The following ABCG4 variants were observed in gnomAD, a reference collection of about 807,000 sequenced individuals.
ABCG4 encodes the protein ATP binding cassette subfamily G member 4.
ABCG4 carries 35 observed loss-of-function variants against 64.6 expected under a neutral mutation model. That is an observed-to-expected ratio of 0.54 (90% confidence interval 0.41 to 0.72). The LOEUF (loss-of-function observed/expected upper bound fraction) is 0.72, where lower values mean the gene tolerates loss of function less well. Among genes scored for constraint, ABCG4 ranks in the 30% least tolerant of loss-of-function variants. ABCG4 has a pLI of 0.00. For missense variants in ABCG4, 610 were observed against 846.3 expected (o/e 0.72, Z 3.46); for synonymous variants, 326 against 348.2 (o/e 0.94, Z 0.71).
intron 12 of ABCG4, among the ~76,000 whole-genome samples, chr11:119,159,510 C>A (rs952394499): frequency 6.6e-6 from 1 of 152,176 alleles, no homozygotes; most frequent in African/African-American, 2.4e-5. Flanking sequence ...TAAAGTGTAC[C>A]CATCTATAAA....
rs1314171877 is a variant in ABCG4, at chr11:119,158,602, C to G, written c.1213C>G (p.Leu405Val). 6.2e-7 allele frequency: 1 copy of G among 1,614,212 alleles called. No individual in the cohort carries two copies. Among genetic ancestry groups the G allele is most frequent in the South Asian group, 1.1e-5 (1 of 91,088 alleles). Residue 405 changes from leucine (L) to valine (V), a missense_variant, in exon 11 of 15, where the codon CTC becomes GTC. Leu to Val is a conservative substitution (Grantham distance 32, BLOSUM62 1). Coordinates refer to ENST00000619701, the MANE Select transcript of ABCG4 (RefSeq NM_022169.5). The surrounding 1 kb of genome is among the most constrained non-coding windows in gnomAD (Gnocchi z 4.5). ...RFMSHVVIGV[L>V]IGLLYLHIGD... is the part of the protein sequence containing the mutation. ...CATGTCCCACGTGGTTATTGGCGTG[C>G]TCATCGGCCTCCTCTACCTGCATAT...
Position 119,154,929 on chromosome 11 carries a change from C to T in ABCG4, c.686+14C>T. The stretch of plus-strand genomic sequence containing the variant: ...TGAGCCCACCAGGTAGTTCTCTCCA[C>T]CCTTTCCCACCAGGATACCCCTCTC... On this transcript the variant is annotated intron_variant, in intron 6 of 14. Coordinates refer to ENST00000619701, the MANE Select transcript of ABCG4 (RefSeq NM_022169.5). The surrounding 1 kb of genome is among the most constrained non-coding windows in gnomAD (Gnocchi z 7.0). 1 of 1,597,014 alleles carries T rather than the reference C, an allele frequency of 6.3e-7. No homozygotes were observed.
chr11:119,158,401 G>A lies in ABCG4; in HGVS notation c.1167+69G>A. On this transcript the variant is annotated intron_variant, in intron 10 of 14. Transcript: ENST00000619701. This position sits in a 1 kb window ranked among gnomAD's most constrained non-coding sequence, Gnocchi z 4.5. ...CCTTTTGGGCTGTAGGATCCCAGCA[G>A]CTGAAATGGGAATGGGGACCCTCCC... The A allele has an allele frequency of 6.3e-7, 1 of 1,578,806 alleles. No individual in the cohort carries two copies. The highest frequency in any genetic ancestry group is 8.7e-7 in the Non-Finnish European group (1 of 1,149,226).
chr11:119,158,626 A>G lies in ABCG4; in HGVS notation c.1237A>G (p.Ile413Val), dbSNP rs1201520852. 6.2e-7 allele frequency: 1 copy of G among 1,614,082 alleles called. No individual in the cohort carries two copies. The highest frequency in any genetic ancestry group is 8.5e-7 in the Non-Finnish European group (1 of 1,179,998). ...GVLIGLLYLH[I>V]GDDASKVFNN... Reference sequence around the variant, plus strand: ...GCTCATCGGCCTCCTCTACCTGCATATTGGCGACGATGCCAGCAAGGTCTT... The same window carrying G: ...GCTCATCGGCCTCCTCTACCTGCATGTTGGCGACGATGCCAGCAAGGTCTT... The change falls in exon 11 of 15, where the codon ATT (isoleucine) becomes GTT (valine). Residue 413 changes from isoleucine (I) to valine (V), a missense_variant. By Grantham distance (29) the Ile-to-Val change is conservative (BLOSUM62 3). Coordinates refer to ENST00000619701, the MANE Select transcript of ABCG4 (RefSeq NM_022169.5). The surrounding 1 kb of genome is among the most constrained non-coding windows in gnomAD (Gnocchi z 4.5).
intron 12 of ABCG4, among the ~76,000 whole-genome samples, chr11:119,159,138 A>G (rs1445961330): frequency 6.6e-6 from 1 of 152,234 alleles, no homozygotes; most frequent in Non-Finnish European, 1.5e-5. Context: ...AGTCTTGACC[A>G]TGTGGAACTT....
Position 119,160,103 on chromosome 11 carries a change from T to G in ABCG4, c.1438-124T>G. On this transcript the variant is annotated intron_variant, in intron 12 of 14. Coordinates refer to ENST00000619701, the MANE Select transcript of ABCG4 (RefSeq NM_022169.5). This position sits in a 1 kb window ranked among gnomAD's most constrained non-coding sequence, Gnocchi z 4.6. ...ATCTGGGGGACAGCTTGAACAAGAA[T>G]GTGGAGGCAGGATGGACACCCTGGG... 2 of 1,036,586 alleles carry G rather than the reference T, an allele frequency of 1.9e-6. No homozygotes were observed. The highest frequency in any genetic ancestry group is 1.6e-5 in the South Asian group (1 of 61,236). The allele number at this position is 1,036,586 out of a possible 1,614,324, so 64.2% of individuals were successfully genotyped here.
At position 119,158,681 on chromosome 11, in the gene ABCG4, T is replaced by C. The variant is rs1055587280; in HGVS notation, c.1292T>C (p.Met431Thr). 2 of 1,614,168 alleles carry C rather than the reference T, an allele frequency of 1.2e-6. No individual in the cohort carries two copies. The highest frequency in any genetic ancestry group is 1.7e-6 in the Non-Finnish European group (2 of 1,180,032). Residue 431 changes from methionine to threonine, a missense_variant, in exon 11 of 15, where the codon ATG becomes ACG. Met to Thr is a moderately conservative substitution (Grantham distance 81, BLOSUM62 -1). Coordinates refer to ENST00000619701, the MANE Select transcript of ABCG4 (RefSeq NM_022169.5). The surrounding 1 kb of genome is among the most constrained non-coding windows in gnomAD (Gnocchi z 4.5). ...AACACCGGCTGCCTCTTCTTCTCCA[T>C]GCTGTTCCTCATGTTCGCCGCCCTC... ...FNNTGCLFFS[M>T]LFLMFAALMP...
chr11:119,162,068 G>A lies in ABCG4; in HGVS notation c.*962G>A, dbSNP rs1039139247. 1 of 153,522 alleles carries A rather than the reference G, an allele frequency of 6.5e-6. No homozygotes were observed. Among genetic ancestry groups the A allele is most frequent in the Non-Finnish European group, 1.5e-5 (1 of 68,780 alleles). 9.5% of individuals were successfully genotyped at this position (153,522 alleles called of 1,614,324 possible). A position where few individuals can be genotyped will look rare whatever the true frequency, so the allele number is the denominator to read the frequency against. ...GGCATGCTGGTGGTGGCGGGTGCTGGTGGGAGGACAGTGCCAACCTCCTCC... is the reference window on the plus strand; with the variant it reads ...GGCATGCTGGTGGTGGCGGGTGCTGATGGGAGGACAGTGCCAACCTCCTCC... On this transcript the variant is annotated 3_prime_UTR_variant, in exon 15 of 15. Coordinates refer to ENST00000619701, the MANE Select transcript of ABCG4 (RefSeq NM_022169.5).
rs148694251 is a variant in ABCG4, at chr11:119,154,501, T to C, written c.490-24T>C. The C allele has an allele frequency of 5.4e-4, 870 of 1,614,094 alleles. 6 individuals are homozygous for C. In the East Asian group the frequency reaches 8.9e-3, roughly 17 times the overall value. ...CAGAGCTCCCTCCCACACATACTTT[T>C]CTTGCTTACTCTCTGGGCCCCAGGT... On this transcript the variant is annotated intron_variant, in intron 4 of 14. Coordinates refer to ENST00000619701, the MANE Select transcript of ABCG4 (RefSeq NM_022169.5). The surrounding 1 kb of genome is among the most constrained non-coding windows in gnomAD (Gnocchi z 7.0).
intron 2 of ABCG4, among the ~76,000 whole-genome samples, chr11:119,152,564 C>A (rs1405055799): frequency 6.6e-6 from 1 of 152,158 alleles, no homozygotes; most frequent in African/African-American, 2.4e-5. Context: ...GGGATTGGCA[C>A]GTCCTCACCT....
rs145213898 is a variant in ABCG4 at position 119,154,886 on chromosome 11, G to A, written c.657G>A (p.Pro219=). 49 of 1,613,278 alleles carry A rather than the reference G, an allele frequency of 3.0e-5. No homozygotes were observed. Among genetic ancestry groups the A allele is most frequent in the African/African-American group, 6.7e-5 (5 of 74,916 alleles). ...LAIALELVNN[P]PVMFFDEPTS... ...TCGCCCTGGAGCTGGTCAACAACCC[G>A]CCTGTCATGTTCTTTGATGAGCCCA... The change falls in exon 6 of 15, where the codon CCG becomes CCA. Residue 219 remains proline (P), a synonymous_variant. Coordinates refer to ENST00000619701, the MANE Select transcript of ABCG4 (RefSeq NM_022169.5). The surrounding 1 kb of genome is among the most constrained non-coding windows in gnomAD (Gnocchi z 7.0).
chr11:119,159,718 G>C (rs1269024657), intron 12 of ABCG4, among the ~76,000 whole-genome samples: 2 of 152,096 alleles, frequency 1.3e-5, no homozygotes, highest in Non-Finnish European at 2.9e-5. Context: ...TTAGAAAAAG[G>C]TGCCCCTTCC....
At chr11:119,157,141 G>C (rs780272818) in intron 9 of ABCG4, 127 bp downstream of exon 9, 2 of 1,335,622 alleles carry the variant, frequency 1.5e-6, no homozygotes, top group Admixed American at 5.6e-5. Context: ...GAAGAACCTA[G>C]GACTTGGAAT....
In ABCG4 at chr11:119,160,731, GCCAAGTCTGCTGC is replaced by G; in HGVS notation, c.1715+77_1715+89del. The stretch of plus-strand genomic sequence containing the variant: ...CCATACCCAGGGCTTCCTGGGTTGT[GCCAAGTCTGCTGC>G]CTGCCCCATTATCCTTTGGGCAGGG... On this transcript the variant is annotated intron_variant, in intron 14 of 14. Transcript: ENST00000619701. The surrounding 1 kb of genome is among the most constrained non-coding windows in gnomAD (Gnocchi z 4.6). 7 of 1,517,874 alleles carry G rather than the reference GCCAAGTCTGCTGC, an allele frequency of 4.6e-6. No individual in the cohort carries two copies. The highest frequency in any genetic ancestry group is 5.5e-6 in the Non-Finnish European group (6 of 1,095,978). The allele number at this position is 1,517,874 out of a possible 1,614,324, so 94.0% of individuals were successfully genotyped here. A position where few individuals can be genotyped will look rare whatever the true frequency, so the allele number is the denominator to read the frequency against.
In ABCG4 at chr11:119,161,184, A is replaced by C; in HGVS notation, c.*78A>C. The C allele has an allele frequency of 2.2e-6, 3 of 1,367,370 alleles. No homozygotes were observed. Among genetic ancestry groups the C allele is most frequent in the Non-Finnish European group, 3.0e-6 (3 of 1,003,820 alleles). 84.7% of individuals were successfully genotyped at this position (1,367,370 alleles called of 1,614,324 possible). A position where few individuals can be genotyped will look rare whatever the true frequency, so the allele number is the denominator to read the frequency against. ...AGCCCTTTGGGACTGTTTTAACCTT[A>C]TAGACTTGGGCACTGGTTCCTGGCG... On this transcript the variant is annotated 3_prime_UTR_variant, in exon 15 of 15. Transcript: ENST00000619701.
rs752285981 is a variant in ABCG4 at position 119,154,857 on chromosome 11, G to C, written c.628G>C (p.Ala210Pro). 1 of 1,614,070 alleles carries C rather than the reference G, an allele frequency of 6.2e-7. No individual in the cohort carries two copies. Among genetic ancestry groups the C allele is most frequent in the South Asian group, 1.1e-5 (1 of 91,082 alleles). The change falls in exon 6 of 15, where the codon GCC (alanine) becomes CCC (proline). Residue 210 changes from alanine to proline, a missense_variant. Physicochemically the swap from Ala to Pro is conservative, Grantham distance 27 (BLOSUM62 -1). Transcript: ENST00000619701. This position sits in a 1 kb window ranked among gnomAD's most constrained non-coding sequence, Gnocchi z 7.0. ...LLSGGQRKRL[A>P]IALELVNNPP... Reference sequence around the variant, plus strand: ...CTCTGGCGGGCAGAGGAAGCGTCTGGCCATCGCCCTGGAGCTGGTCAACAA... The same window carrying C: ...CTCTGGCGGGCAGAGGAAGCGTCTGCCCATCGCCCTGGAGCTGGTCAACAA...
Position 119,160,873 on chromosome 11 carries a change from C to T in ABCG4, c.1716-8C>T, listed in dbSNP as rs769706021. 6.2e-7 allele frequency: 1 copy of T among 1,611,908 alleles called. No individual in the cohort carries two copies. Among genetic ancestry groups the T allele is most frequent in the South Asian group, 1.1e-5 (1 of 90,886 alleles). On this transcript the variant is annotated splice_polypyrimidine_tract_variant and splice_region_variant and intron_variant, in intron 14 of 14. Transcript: ENST00000619701. This position sits in a 1 kb window ranked among gnomAD's most constrained non-coding sequence, Gnocchi z 4.6. ...GCTGTATCCCATCTGATATCCCTGC[C>T]TGCCTAGGTATGGCTTTGAGGGTGT...
At chr11:119,151,874 G>A (rs117237857) in intron 2 of ABCG4, among the ~76,000 whole-genome samples, 551 of 152,340 alleles carry the variant, frequency 3.6e-3, no homozygotes, top group Non-Finnish European at 5.4e-3. Flanking sequence ...CTTATAAGCT[G>A]TGTGACCTTG....
chr11:119,152,738 C>G (rs940361876), intron 2 of ABCG4: 2 of 152,270 alleles, frequency 1.3e-5, no homozygotes, highest in Non-Finnish European at 2.9e-5. Flanking sequence ...CTTTTCCTCC[C>G]AAAGCCTAGA....
Sources: gnomAD v4.1 joint callset for allele counts (sites outside exome capture counted in the v4.1 genomes callset) on GRCh38, gnomAD v4.1.1 for gene constraint, Gnocchi (gnomAD v3.1) non-coding constraint, MANE v1.5 for transcripts, NCBI Gene and HGNC (gene_info 2026-07-23, HGNC 2026-07-21) for gene names.